The following DLC1 variants were observed in gnomAD, a reference collection of about 807,000 sequenced individuals.
The protein encoded by DLC1 is DLC1 Rho GTPase activating protein.
In DLC1, 54 loss-of-function variants were observed where a neutral mutation model predicts 140.3. That is an observed-to-expected ratio of 0.38 (90% CI 0.31 to 0.48). DLC1 has a LOEUF of 0.48. Ranked by LOEUF, DLC1 falls within the 20% of genes least tolerant of loss-of-function variation. DLC1 has a pLI of 0.96. For synonymous variants in DLC1, 986 were observed against 728.1 expected, an observed-to-expected ratio of 1.35 and a Z score of -5.70; for missense variants, 2,536 against 1,907.0, an observed-to-expected ratio of 1.33 and a Z score of -6.14.
At chr8:13,254,963 A>ACT (rs1830158150) in intron 5 of DLC1, among the ~76,000 whole-genome samples, 2 of 126,600 alleles carry the variant, frequency 1.6e-5, no homozygotes, top group South Asian at 5.2e-4. Flanking sequence ...TATTTAAAGT[A>ACT]CTCTTTTTTT....
At chr8:13,418,258 C>T (rs937326043) in intron 2 of DLC1, among the ~76,000 whole-genome samples, 7 of 152,044 alleles carry the variant, frequency 4.6e-5, no homozygotes, top group East Asian at 3.9e-4. Flanking sequence ...GTTGCCATTG[C>T]TTTTGGTGTT....
At chr8:13,191,770 G>T (rs1443256129) in intron 5 of DLC1, among the ~76,000 whole-genome samples, 4 of 151,994 alleles carry the variant, frequency 2.6e-5, no homozygotes, top group Non-Finnish European at 5.9e-5. Context: ...TGTGACTGTG[G>T]CCACAACATT....
intron 1 of DLC1, among the ~76,000 whole-genome samples, chr8:13,500,718 G>A (rs948531728): frequency 5.9e-5 from 9 of 152,142 alleles, no homozygotes; most frequent in Non-Finnish European, 8.8e-5. Context: ...GAACCCAAAC[G>A]ACCAGTATGT....
chr8:13,203,758 G>A (rs369646936), intron 5 of DLC1, among the ~76,000 whole-genome samples: 12 of 152,154 alleles, frequency 7.9e-5, no homozygotes, highest in African/African-American at 2.7e-4. Context: ...ATAGCTTTGT[G>A]ATATGATTCT....
intron 4 of DLC1, among the ~76,000 whole-genome samples, chr8:13,382,464 C>A (rs1029528698): frequency 1.6e-5 from 2 of 122,840 alleles, no homozygotes; most frequent in South Asian, 2.7e-4. Flanking sequence ...GCCGAGATTG[C>A]GCCACTGCAC....
chr8:13,446,474 C>G (rs1294184920), intron 2 of DLC1, among the ~76,000 whole-genome samples: 1 of 151,896 alleles, frequency 6.6e-6, no homozygotes, highest in Non-Finnish European at 1.5e-5. Flanking sequence ...GTTATTTAGT[C>G]ATGACTAAGT....
At chr8:13,188,843 A>ATTTTT (rs869162448) in intron 5 of DLC1, among the ~76,000 whole-genome samples, 5 of 30,664 alleles carry the variant, frequency 1.6e-4, no homozygotes, top group African/African-American at 5.4e-4. Flanking sequence ...ATATATATAT[A>ATTTTT]TTTTTTTTTT....
intron 2 of DLC1, among the ~76,000 whole-genome samples, chr8:13,445,429 G>C (rs1006145705): frequency 6.6e-6 from 1 of 152,150 alleles, no homozygotes; most frequent in Non-Finnish European, 1.5e-5. Context: ...AATCCTCACA[G>C]GGCTTATAAG....
intron 4 of DLC1, among the ~76,000 whole-genome samples, chr8:13,336,597 G>A (rs562450284): frequency 2.2e-4 from 33 of 152,148 alleles, no homozygotes; most frequent in Non-Finnish European, 4.4e-4. Flanking sequence ...CTATTGTGTG[G>A]TAGAAAAAAC....
intron 2 of DLC1, among the ~76,000 whole-genome samples, chr8:13,466,317 C>T (rs1799938911): frequency 6.6e-6 from 1 of 152,204 alleles, no homozygotes; most frequent in Non-Finnish European, 1.5e-5. Flanking sequence ...AAGGGTGCTG[C>T]CCTCTTTCTC....
At chr8:13,096,018 C>G (rs539015454) in intron 10 of DLC1, 1 of 152,230 alleles carries the variant, frequency 6.6e-6, no homozygotes, top group African/African-American at 2.4e-5. Flanking sequence ...CAGGTCCACC[C>G]CAGCACTATA....
intron 5 of DLC1, among the ~76,000 whole-genome samples, chr8:13,188,170 G>T (rs541715616): frequency 7.0e-6 from 1 of 143,304 alleles, no homozygotes; most frequent in Non-Finnish European, 1.5e-5. Flanking sequence ...TGCAACCTCT[G>T]TCTCCTGTGT....
intron 4 of DLC1, among the ~76,000 whole-genome samples, chr8:13,342,929 C>T (rs879528112): frequency 1.4e-4 from 21 of 151,836 alleles, no homozygotes; most frequent in African/African-American, 3.4e-4. Context: ...AATGACAAGA[C>T]GAATTAGCTG....
At chr8:13,172,493 G>T (rs1399570008) in intron 5 of DLC1, among the ~76,000 whole-genome samples, 1 of 152,208 alleles carries the variant, frequency 6.6e-6, no homozygotes, top group Non-Finnish European at 1.5e-5. Flanking sequence ...CATAAACTCA[G>T]ATCAAGGCTT....
chr8:13,521,422 G>T (rs78532868), intron 1 of DLC1, among the ~76,000 whole-genome samples: 1 of 150,406 alleles, frequency 6.6e-6, no homozygotes, highest in Non-Finnish European at 1.5e-5. Flanking sequence ...AAAAAAAAAA[G>T]TTCCCTTGCC....
intron 4 of DLC1, among the ~76,000 whole-genome samples, chr8:13,359,981 C>T (rs902328421): frequency 6.6e-6 from 1 of 152,204 alleles, no homozygotes; most frequent in African/African-American, 2.4e-5. Flanking sequence ...TAAAGAGCTA[C>T]TCCATCGACA....
At chr8:13,593,961 A>G (rs577962478) in intron 1 of DLC1, among the ~76,000 whole-genome samples, 1 of 152,224 alleles carries the variant, frequency 6.6e-6, no homozygotes, top group African/African-American at 2.4e-5. Flanking sequence ...TCCTCTGAAG[A>G]CGAGCCTGGG....
intron 1 of DLC1, among the ~76,000 whole-genome samples, chr8:13,546,099 A>T (rs13276657): frequency 0.28 from 42,788 of 151,882 alleles, 6,253 homozygotes; most frequent in Admixed American, 0.31. Context: ...AAGTCAAAAA[A>T]AGTTTTTAAA....
chr8:13,494,581 T>C (rs1466472160), intron 2 of DLC1, among the ~76,000 whole-genome samples: 1 of 152,190 alleles, frequency 6.6e-6, no homozygotes, highest in Admixed American at 6.5e-5. Context: ...CCCTATTTTA[T>C]GCGTGTGAGA....
Sources: gnomAD v4.1 joint callset for allele counts (sites outside exome capture counted in the v4.1 genomes callset) on GRCh38, gnomAD v4.1.1 for gene constraint, MANE v1.5 for transcripts, NCBI Gene and HGNC (gene_info 2026-07-23, HGNC 2026-07-21) for gene names.